MKLN1: variants seen among roughly 807,000 people sequenced by gnomAD.
The protein encoded by MKLN1 is muskelin.
A neutral mutation model predicts 99.0 loss-of-function variants in MKLN1; 18 were observed. The ratio of observed to expected loss-of-function variants is 0.18; its 90% CI spans 0.13 to 0.27. The LOEUF (loss-of-function observed/expected upper bound fraction) is 0.27, where lower values mean the gene tolerates loss of function less well. Among genes scored for constraint, MKLN1 ranks in the 10% least tolerant of loss-of-function variants. MKLN1 has a pLI of 1.00. For missense variants in MKLN1, 621 were observed against 875.9 expected (o/e 0.71, Z 3.67); for synonymous variants, 288 against 293.2 (o/e 0.98, Z 0.18).
At position 131,119,624 on chromosome 7, in the gene MKLN1, T is replaced by C. The variant is rs576210188; in HGVS notation, c.-419+9417T>C. Among the ~76,000 whole-genome samples, 80 of 152,324 alleles carry C rather than the reference T, an allele frequency of 5.3e-4. 1 individual carries two copies. Among genetic ancestry groups the C allele is most frequent in the Middle Eastern group, 3.4e-3 (1 of 294 alleles). On this transcript the variant is annotated intron_variant, in intron 1 of 7. Coordinates refer to the MKLN1 transcript ENST00000416992. ...ACTTCTGCCTGGACATCCAGACATT[T>C]CCGTGCATCCTCTGAAATCTATGCA...
intron 1 of MKLN1, among the ~76,000 whole-genome samples, chr7:131,357,291 G>A (rs558602359): frequency 1.3e-5 from 2 of 152,266 alleles, no homozygotes; most frequent in African/African-American, 2.4e-5. Context: ...TACTGGACAG[G>A]TGTATTGTAG....
At chr7:131,426,196 T>C (rs1214103593) in intron 8 of MKLN1, among the ~76,000 whole-genome samples, 9 of 152,210 alleles carry the variant, frequency 5.9e-5, no homozygotes, top group Non-Finnish European at 2.9e-5. Context: ...TGAGAATTTA[T>C]GCGTACAAAG....
At chr7:131,114,174 T>C (rs151027937) in intron 1 of MKLN1, among the ~76,000 whole-genome samples, 50 of 152,332 alleles carry the variant, frequency 3.3e-4, no homozygotes, top group African/African-American at 1.2e-3. Context: ...ATTGATGGTA[T>C]CCTCCATCAA....
chr7:131,244,850 T>C (rs1331078604), intron 3 of MKLN1, among the ~76,000 whole-genome samples: 1 of 152,084 alleles, frequency 6.6e-6, no homozygotes, highest in Non-Finnish European at 1.5e-5. Flanking sequence ...TATGCCCGAA[T>C]GTACAAGGTG....
chr7:131,174,208 G>A (rs1016145270), intron 2 of MKLN1, among the ~76,000 whole-genome samples: 4 of 152,068 alleles, frequency 2.6e-5, no homozygotes, highest in African/African-American at 9.7e-5. Flanking sequence ...TCCTGACCTC[G>A]TGATCTGACC....
At chr7:131,393,939 C>T (rs1794280476) in intron 4 of MKLN1, among the ~76,000 whole-genome samples, 1 of 151,966 alleles carries the variant, frequency 6.6e-6, no homozygotes, top group Non-Finnish European at 1.5e-5. Flanking sequence ...TAAATGAATT[C>T]TTAATGAGAC....
chr7:131,393,662 G>A (rs140032227), intron 4 of MKLN1, among the ~76,000 whole-genome samples: 3 of 151,948 alleles, frequency 2.0e-5, no homozygotes, highest in East Asian at 1.9e-4. Flanking sequence ...GGTCTTTCTC[G>A]GTTACCTAGG....
At chr7:131,242,799 T>A in intron 3 of MKLN1, 1 of 676,608 alleles carries the variant, frequency 1.5e-6, no homozygotes, top group South Asian at 1.4e-5. Flanking sequence ...AAAGATCAAG[T>A]CTTTTGTGAA....
At chr7:131,423,494 G>A (rs558372386) in intron 8 of MKLN1, among the ~76,000 whole-genome samples, 1 of 152,170 alleles carries the variant, frequency 6.6e-6, no homozygotes, top group East Asian at 1.9e-4. Context: ...CACCACGCCT[G>A]GCTAATTTTG....
intron 3 of MKLN1, 31 bp from the exon 4 acceptor site, chr7:131,388,853 C>G (rs1388589281): frequency 6.8e-7 from 1 of 1,460,234 alleles, no homozygotes; most frequent in Non-Finnish European, 9.5e-7. Context: ...ATTATGAAGT[C>G]AGATTTAATA....
intron 3 of MKLN1, among the ~76,000 whole-genome samples, chr7:131,221,760 A>G (rs1235822509): frequency 6.7e-6 from 1 of 149,328 alleles, no homozygotes; most frequent in Non-Finnish European, 1.5e-5. Flanking sequence ...ACCTTAGGTG[A>G]TCCACCCACC....
Position 131,487,715 on chromosome 7 carries a change from T to C in MKLN1, c.2195T>C (p.Leu732Pro). 1 of 1,612,410 alleles carries C rather than the reference T, an allele frequency of 6.2e-7. No homozygotes were observed. ...CCTCCTAAAGGCAACCTGGTAGACC[T>C]CATCACACTGTAACTGAAGAGTCAC... ...MTPPKGNLVD[L>P]ITL The change falls in exon 18 of 18, where the codon CTC (leucine) becomes CCC (proline). Residue 732 changes from leucine (L) to proline (P), a missense_variant. Leu to Pro is a moderately conservative substitution (Grantham distance 98, BLOSUM62 -3). Coordinates refer to ENST00000352689, the MANE Select transcript of MKLN1 (RefSeq NM_013255.5). The surrounding 1 kb of genome is among the most constrained non-coding windows in gnomAD (Gnocchi z 4.7).
At chr7:131,157,197 T>A (rs561783959) in intron 2 of MKLN1, among the ~76,000 whole-genome samples, 2 of 152,118 alleles carry the variant, frequency 1.3e-5, no homozygotes, top group Non-Finnish European at 2.9e-5. Context: ...CCGGGCAACA[T>A]GGTGAAGCCC....
At chr7:131,439,907 C>T (rs1455038585) in intron 10 of MKLN1, among the ~76,000 whole-genome samples, 1 of 142,542 alleles carries the variant, frequency 7.0e-6, no homozygotes, top group East Asian at 2.0e-4. Context: ...CACACACACA[C>T]ACACACACAC....
chr7:131,306,834 T>A (rs1798474129), intron 3 of MKLN1, among the ~76,000 whole-genome samples: 1 of 152,192 alleles, frequency 6.6e-6, no homozygotes, highest in Non-Finnish European at 1.5e-5. Context: ...AGCTGCCAGC[T>A]GCAAAAATTG....
intron 1 of MKLN1, among the ~76,000 whole-genome samples, chr7:131,328,711 G>A (rs1211634351): frequency 2.0e-5 from 3 of 152,092 alleles, no homozygotes; most frequent in Non-Finnish European, 2.9e-5. Context: ...TTCCCAGTCC[G>A]GAAACTCAAA....
intron 9 of MKLN1, among the ~76,000 whole-genome samples, chr7:131,430,557 A>G (rs1795494038): frequency 6.6e-6 from 1 of 152,052 alleles, no homozygotes; most frequent in South Asian, 2.1e-4. Flanking sequence ...TCATCCTAAA[A>G]TCCTCCCTCT....
At chr7:131,458,065 AG>A (rs1290863990) in intron 12 of MKLN1, among the ~76,000 whole-genome samples, 5 of 152,368 alleles carry the variant, frequency 3.3e-5, no homozygotes, top group African/African-American at 1.2e-4. Flanking sequence ...AGCAGATTAA[AG>A]TAGAATTAAG....
chr7:131,215,732 C>G (rs1563255034), intron 3 of MKLN1, among the ~76,000 whole-genome samples: 1 of 152,132 alleles, frequency 6.6e-6, no homozygotes, highest in African/African-American at 2.4e-5. Flanking sequence ...TTTTCTTTTT[C>G]TCTACTGTGA....
Sources: allele counts gnomAD v4.1 joint callset (sites outside exome capture counted in the v4.1 genomes callset), GRCh38; gene constraint gnomAD v4.1.1; non-coding constraint Gnocchi (gnomAD v3.1); transcripts MANE v1.5; gene names NCBI Gene and HGNC (gene_info 2026-07-23, HGNC 2026-07-21).